Variants in ARHGEF10L observed in about 807,000 individuals in gnomAD.
ARHGEF10L encodes rho guanine nucleotide exchange factor 10-like protein.
A neutral mutation model predicts 141.2 loss-of-function variants in ARHGEF10L; 69 were observed. The ratio of observed to expected loss-of-function variants is 0.49; its 90% CI spans 0.40 to 0.60. The LOEUF is 0.60. ARHGEF10L is among the 20% of genes least tolerant of loss of function. The pLI is 0.00. For missense variants in ARHGEF10L, 1,482 were observed against 1,734.3 expected (o/e 0.85, Z 2.58); for synonymous variants, 711 against 718.5 (o/e 0.99, Z 0.17).
intron 2 of ARHGEF10L, among the ~76,000 whole-genome samples, chr1:17,586,481 C>T (rs1234984712): frequency 1.5e-5 from 2 of 135,266 alleles, no homozygotes; most frequent in East Asian, 5.3e-4. Context: ...AGTTATTGAA[C>T]TCCTGAAGTT....
At chr1:17,676,821 C>G (rs2063754102) in intron 26 of ARHGEF10L, among the ~76,000 whole-genome samples, 1 of 151,850 alleles carries the variant, frequency 6.6e-6, no homozygotes, top group African/African-American at 2.4e-5. Flanking sequence ...GGCCTTTGCA[C>G]CCACTGCTCT....
chr1:17,654,028 TCTC>T lies in ARHGEF10L; in HGVS notation c.2395-605_2395-603del, dbSNP rs2062085683. ...GCCAAGAGCAGTCTCTACTCTGTCTTCTCCTTCAGTGTGGCCCATGAGTGGGCC... is the reference window on the plus strand; with the variant it reads ...GCCAAGAGCAGTCTCTACTCTGTCTTCTTCAGTGTGGCCCATGAGTGGGCC... On this transcript the variant is annotated intron_variant, in intron 22 of 28. Transcript: ENST00000361221. This position sits in a 1 kb window ranked among gnomAD's most constrained non-coding sequence, Gnocchi z 4.3. 6.6e-6 allele frequency among the ~76,000 whole-genome samples: 1 copy of T among 152,190 alleles called. No homozygotes were observed. The highest frequency in any genetic ancestry group is 2.4e-5 in the African/African-American group (1 of 41,462).
chr1:17,534,344 G>A, the ARHGEF10L span, among the ~76,000 whole-genome samples: 2 of 152,062 alleles, frequency 1.3e-5, no homozygotes, highest in African/African-American at 2.4e-5. Flanking sequence ...GGATGGTCTC[G>A]AGCTCCTGAC....
chr1:17,519,586 A>G, the ARHGEF10L span, among the ~76,000 whole-genome samples: 1 of 152,174 alleles, frequency 6.6e-6, no homozygotes, highest in African/African-American at 2.4e-5. Flanking sequence ...CCACTGTGTG[A>G]CAGAGAGAGC....
At chr1:17,586,815 G>T (rs1293974711) in intron 2 of ARHGEF10L, among the ~76,000 whole-genome samples, 1 of 152,030 alleles carries the variant, frequency 6.6e-6, no homozygotes, top group East Asian at 1.9e-4. Flanking sequence ...AGCTTTAATG[G>T]GAGAGGAGGA....
intron 26 of ARHGEF10L, among the ~76,000 whole-genome samples, chr1:17,671,988 G>C (rs1038113448): frequency 1.3e-5 from 2 of 152,204 alleles, no homozygotes; most frequent in African/African-American, 4.8e-5. Flanking sequence ...GCTGACCGAG[G>C]CTTGGTTTTA....
At chr1:17,528,943 G>A in the ARHGEF10L span, among the ~76,000 whole-genome samples, 1 of 152,124 alleles carries the variant, frequency 6.6e-6, no homozygotes, top group African/African-American at 2.4e-5. Flanking sequence ...ATAAATGTTA[G>A]CCATGTTGAT....
intron 26 of ARHGEF10L, among the ~76,000 whole-genome samples, chr1:17,676,311 G>A (rs971681001): frequency 2.1e-5 from 3 of 146,254 alleles, no homozygotes; most frequent in African/African-American, 7.7e-5. Context: ...ATGCAGGTGT[G>A]GGTACAGGTG....
intron 7 of ARHGEF10L, among the ~76,000 whole-genome samples, chr1:17,611,864 G>A (rs1178056594): frequency 2.6e-5 from 4 of 152,194 alleles, no homozygotes; most frequent in Non-Finnish European, 5.9e-5. Flanking sequence ...TCTAGAAGTA[G>A]CACCTGTCTT....
At chr1:17,530,185 A>C in the ARHGEF10L span, among the ~76,000 whole-genome samples, 1 of 151,888 alleles carries the variant, frequency 6.6e-6, no homozygotes, top group Non-Finnish European at 1.5e-5. Context: ...TGCTGGGCAC[A>C]CCCTAGGCAC....
chr1:17,548,727 C>T (rs1180972670), intron 1 of ARHGEF10L, among the ~76,000 whole-genome samples: 1 of 146,244 alleles, frequency 6.8e-6, no homozygotes, highest in East Asian at 2.0e-4. Flanking sequence ...TGGCTCACTG[C>T]ATCCTCTGCC....
chr1:17,624,433 A>G lies in ARHGEF10L; in HGVS notation c.1247A>G (p.Asn416Ser), dbSNP rs2060272217. 1 of 1,614,044 alleles carries G rather than the reference A, an allele frequency of 6.2e-7. No individual in the cohort carries two copies. The highest frequency in any genetic ancestry group is 8.5e-7 in the Non-Finnish European group (1 of 1,180,040). The change falls in exon 13 of 29, where the codon AAC becomes AGC. Residue 416 changes from asparagine to serine, a missense_variant. Coordinates refer to ENST00000361221, the MANE Select transcript of ARHGEF10L (RefSeq NM_018125.4). The part of the protein sequence containing the change: ...VLDVYSDYVN[N>S]FTSAMSIIKK... ...GATGTGTACAGTGACTACGTGAACA[A>G]CTTCACCAGTGCCATGTCCATCATC...
intron 3 of ARHGEF10L, 87 bp downstream of exon 3, chr1:17,587,732 G>A: frequency 2.8e-6 from 4 of 1,425,224 alleles, no homozygotes; most frequent in Non-Finnish European, 1.9e-6. Flanking sequence ...GGGATGCCTG[G>A]TGGCCCCTCC....
At chr1:17,552,571 G>GTTTTTTTTTTGT (rs2077154020) in intron 1 of ARHGEF10L, among the ~76,000 whole-genome samples, 1 of 44,918 alleles carries the variant, frequency 2.2e-5, no homozygotes, top group Non-Finnish European at 3.7e-5. Flanking sequence ...GCTAATTTTC[G>GTTTTTTTTTTGT]TTTTTTTTTT....
intron 26 of ARHGEF10L, among the ~76,000 whole-genome samples, chr1:17,683,958 C>T (rs547472958): frequency 3.3e-5 from 5 of 152,296 alleles, no homozygotes; most frequent in South Asian, 4.1e-4. Flanking sequence ...GGGAGTCGAG[C>T]GGCAGGCTGG....
Position 17,558,408 on chromosome 1 carries a change from C to G in ARHGEF10L, c.-44+18458C>G, listed in dbSNP as rs1439044967. Among the ~76,000 whole-genome samples the G allele has an allele frequency of 1.3e-5, 2 of 152,228 alleles. No homozygotes were observed. The highest frequency in any genetic ancestry group is 2.9e-5 in the Non-Finnish European group (2 of 68,042). On this transcript the variant is annotated intron_variant, in intron 1 of 28. Coordinates refer to ENST00000361221, the MANE Select transcript of ARHGEF10L (RefSeq NM_018125.4). The surrounding 1 kb of genome is among the most constrained non-coding windows in gnomAD (Gnocchi z 4.2). ...ATTATTCTTGCCTTCAAGGAACTCA[C>G]AGTCTAGTGGGCTGTCAGAAAACTA...
intron 26 of ARHGEF10L, among the ~76,000 whole-genome samples, chr1:17,674,048 C>T (rs1383661986): frequency 6.6e-6 from 1 of 152,186 alleles, no homozygotes; most frequent in African/African-American, 2.4e-5. Flanking sequence ...ATGTCCGCAC[C>T]ATCCTCCCTC....
chr1:17,557,306 G>C (rs1471924407), intron 1 of ARHGEF10L, among the ~76,000 whole-genome samples: 2 of 150,490 alleles, frequency 1.3e-5, no homozygotes, highest in Admixed American at 1.3e-4. Flanking sequence ...TTGTGCCATT[G>C]CACTCCAGCC....
chr1:17,596,669 C>T (rs907863699), intron 4 of ARHGEF10L, among the ~76,000 whole-genome samples: 48 of 152,322 alleles, frequency 3.2e-4, no homozygotes, highest in African/African-American at 1.1e-3. Context: ...CTTGGAGGTT[C>T]ACTGAGAAAC....
Sources: gnomAD v4.1 joint callset for allele counts (sites outside exome capture counted in the v4.1 genomes callset) on GRCh38, gnomAD v4.1.1 for gene constraint, Gnocchi (gnomAD v3.1) non-coding constraint, MANE v1.5 for transcripts, NCBI Gene and HGNC (gene_info 2026-07-23, HGNC 2026-07-21) for gene names.